NME9: variants seen among roughly 807,000 people sequenced by gnomAD.
NME9 encodes thioredoxin domain-containing protein 6.
Under a neutral mutation model 44.4 loss-of-function variants are expected in NME9, and 48 were observed. The observed-to-expected ratio is 1.08, with a 90% CI of 0.86 to 1.37. The LOEUF (loss-of-function observed/expected upper bound fraction) is 1.37. NME9 is among the 40% of genes most tolerant of loss of function. NME9 has a pLI of 0.00. For missense variants in NME9, 325 were observed against 405.2 expected, an observed-to-expected ratio of 0.80 and a Z score of 1.70; for synonymous variants, 139 against 147.1, an observed-to-expected ratio of 0.94 and a Z score of 0.40.
At chr3:138,273,269 G>C (rs138638454) in intron 8 of NME9, among the ~76,000 whole-genome samples, 1 of 152,182 alleles carries the variant, frequency 6.6e-6, no homozygotes, top group Non-Finnish European at 1.5e-5. Context: ...GTCTAAACCT[G>C]TCACCTTCGT....
In NME9 at chr3:138,329,425, C is replaced by T; in HGVS notation, c.-90G>A. 6.5e-7 allele frequency: 1 copy of T among 1,530,076 alleles called. No homozygotes were observed. The highest frequency in any genetic ancestry group is 2.0e-5 in the Admixed American group (1 of 50,030). The allele number at this position is 1,530,076 out of a possible 1,614,324, so 94.8% of individuals were successfully genotyped here. Reference sequence around the variant, plus strand: ...CAAACCGCTGCGTGGATCAGCAAGCCCAGAGCCTCCTTCAGACAAGCCCCC... The same window carrying T: ...CAAACCGCTGCGTGGATCAGCAAGCTCAGAGCCTCCTTCAGACAAGCCCCC... On this transcript the variant is annotated 5_prime_UTR_variant, in exon 1 of 11. Coordinates refer to ENST00000333911, the MANE Select transcript of NME9 (RefSeq NM_001349018.2).
At chr3:138,305,449 G>C (rs1163654718) in intron 8 of NME9, among the ~76,000 whole-genome samples, 3 of 152,036 alleles carry the variant, frequency 2.0e-5, no homozygotes, top group Non-Finnish European at 4.4e-5. Flanking sequence ...TCAAGTAACA[G>C]TACTCTGGTT....
intron 5 of NME9, 88 bp downstream of exon 5, chr3:138,315,439 A>G (rs1391763708): frequency 1.2e-6 from 1 of 848,748 alleles, no homozygotes; most frequent in Admixed American, 2.2e-5. Context: ...CAGCTCCAGG[A>G]AAGTCAGGTG....
chr3:138,306,217 A>G (rs2052247780), intron 7 of NME9, 121 bp from the exon 8 acceptor site: 3 of 833,726 alleles, frequency 3.6e-6, no homozygotes. Flanking sequence ...GGAGACACTG[A>G]TCCCCACATT....
At chr3:138,277,105 G>C (rs1360982110) in intron 8 of NME9, among the ~76,000 whole-genome samples, 7 of 152,132 alleles carry the variant, frequency 4.6e-5, no homozygotes, top group African/African-American at 1.2e-4. Context: ...ACAGACTAGA[G>C]AGTCCAGAAA....
intron 8 of NME9, among the ~76,000 whole-genome samples, chr3:138,291,586 G>T (rs183373501): frequency 1.3e-5 from 2 of 152,284 alleles, no homozygotes; most frequent in African/African-American, 4.8e-5. Flanking sequence ...AAATGAATAC[G>T]TAACACAGTA....
In NME9 at chr3:138,314,380, C is replaced by G. The variant is rs2052921738; in HGVS notation, c.412G>C (p.Asp138His). 3 of 1,609,394 alleles carry G rather than the reference C, an allele frequency of 1.9e-6. No individual in the cohort carries two copies. The highest frequency in any genetic ancestry group is 2.7e-5 in the African/African-American group (2 of 74,914). The change falls in exon 6 of 11, where the codon GAT becomes CAT. Residue 138 changes from aspartate (D) to histidine (H), a missense_variant. Physicochemically the swap from Asp to His is moderately conservative, Grantham distance 81. Transcript: ENST00000333911. Reference sequence around the variant, plus strand: ...TTCTTTCCATGGGAAACACATTCATCTTCATCAGAAAGAGCCTCATCTTTA... The same window carrying G: ...TTCTTTCCATGGGAAACACATTCATGTTCATCAGAAAGAGCCTCATCTTTA... ...VIKDEALSDE[D>H]ECVSHGKNNG...
intron 8 of NME9, chr3:138,289,193 C>A: frequency 1.3e-5 from 15 of 1,171,486 alleles, no homozygotes; most frequent in Non-Finnish European, 1.9e-5. Context: ...CTAGCAGGTG[C>A]CCCTGAGATC....
intron 8 of NME9, among the ~76,000 whole-genome samples, chr3:138,282,475 G>A (rs908103249): frequency 3.3e-5 from 5 of 151,994 alleles, no homozygotes; most frequent in Middle Eastern, 6.8e-3. Flanking sequence ...GTGAAATCCC[G>A]TCTCTACTAA....
At chr3:138,287,023 A>T (rs941788310) in intron 8 of NME9, among the ~76,000 whole-genome samples, 4 of 152,046 alleles carry the variant, frequency 2.6e-5, no homozygotes, top group African/African-American at 9.7e-5. Flanking sequence ...TTTCATCACC[A>T]CTGCCCCCAC....
intron 6 of NME9, among the ~76,000 whole-genome samples, chr3:138,309,076 AC>A (rs1399802673): frequency 6.6e-6 from 1 of 152,064 alleles, no homozygotes; most frequent in Non-Finnish European, 1.5e-5. Flanking sequence ...AGATCACCTG[AC>A]ATCAGGGGTT....
chr3:138,261,484 A>G (rs1456793820), exon 9 of NME9: 1 of 152,200 alleles, frequency 6.6e-6, no homozygotes, highest in Non-Finnish European at 1.5e-5. Flanking sequence ...TTAGGCAATC[A>G]GAAGTATGGA....
At chr3:138,289,744 C>T (rs2050763544) in intron 8 of NME9, among the ~76,000 whole-genome samples, 1 of 152,108 alleles carries the variant, frequency 6.6e-6, no homozygotes, top group Middle Eastern at 3.2e-3. Context: ...GTAGCAAATA[C>T]AGGAGAGCAG....
downstream of NME9, among the ~76,000 whole-genome samples, chr3:138,300,173 G>C (rs145319792): frequency 5.4e-4 from 82 of 152,276 alleles, 2 homozygotes; most frequent in East Asian, 9.5e-3. Context: ...TACAGGTTCC[G>C]ATGAGCACTG....
chr3:138,284,347 G>A, intron 8 of NME9: 1 of 987,458 alleles, frequency 1.0e-6, no homozygotes, highest in Non-Finnish European at 1.6e-6. Flanking sequence ...GTACCTTCAA[G>A]TGAAAAATTG....
chr3:138,269,820 CTT>C (rs77095833), intron 8 of NME9, among the ~76,000 whole-genome samples: 19 of 121,662 alleles, frequency 1.6e-4, no homozygotes, highest in Non-Finnish European at 2.4e-4. Flanking sequence ...TGTTTTCTTT[CTT>C]TTTTTTTTTT....
intron 8 of NME9, among the ~76,000 whole-genome samples, chr3:138,282,830 C>G (rs2050067318): frequency 2.0e-5 from 3 of 152,134 alleles, no homozygotes. Context: ...TTGGCATGCT[C>G]ATGTCTGCCC....
intron 8 of NME9, chr3:138,274,597 A>G (rs909669779): frequency 7.8e-7 from 1 of 1,287,192 alleles, no homozygotes; most frequent in African/African-American, 1.5e-5. Context: ...GCACAAAGGA[A>G]GTTCTTAAGA....
intron 8 of NME9, among the ~76,000 whole-genome samples, chr3:138,295,538 A>G (rs2051403939): frequency 6.6e-6 from 1 of 152,228 alleles, no homozygotes; most frequent in African/African-American, 2.4e-5. Flanking sequence ...GACCTATCAC[A>G]ACTATATGCC....
Sources: gnomAD v4.1 joint callset for allele counts (sites outside exome capture counted in the v4.1 genomes callset) on GRCh38, gnomAD v4.1.1 for gene constraint, MANE v1.5 for transcripts, NCBI Gene and HGNC (gene_info 2026-07-23, HGNC 2026-07-21) for gene names.